Variants in ALG14 observed in about 807,000 individuals in gnomAD.
The protein encoded by ALG14 is UDP-N-acetylglucosamine transferase subunit ALG14.
ALG14 carries 17 observed loss-of-function variants against 22.8 expected under a neutral mutation model. That is an observed-to-expected ratio of 0.75 (90% CI 0.51 to 1.12). ALG14 has a LOEUF of 1.12. ALG14 is among the 50% of genes most tolerant of loss of function. ALG14 has a pLI of 0.00. For synonymous variants in ALG14, 89 were observed against 103.7 expected, an observed-to-expected ratio of 0.86 and a Z score of 0.86; for missense variants, 288 against 271.8, an observed-to-expected ratio of 1.06 and a Z score of -0.42.
At chr1:95,059,492 CT>C (rs1327767731) in intron 2 of ALG14, among the ~76,000 whole-genome samples, 5 of 144,574 alleles carry the variant, frequency 3.5e-5, no homozygotes, top group East Asian at 2.2e-4. Flanking sequence ...AAGTTATTTT[CT>C]TTTTTTCTTC....
chr1:95,017,026 T>C (rs1277314713), intron 3 of ALG14, among the ~76,000 whole-genome samples: 1 of 150,644 alleles, frequency 6.6e-6, no homozygotes, highest in Non-Finnish European at 1.5e-5. Context: ...TGACCAAATA[T>C]GTGGTCCCAA....
At chr1:95,034,314 G>A (rs1275885649) in intron 2 of ALG14, among the ~76,000 whole-genome samples, 1 of 152,186 alleles carries the variant, frequency 6.6e-6, no homozygotes, top group African/African-American at 2.4e-5. Flanking sequence ...ATATGTGATT[G>A]TATGTAGTCT....
intron 3 of ALG14, among the ~76,000 whole-genome samples, chr1:95,000,535 T>TAAAAAAAAAA (rs71588535): frequency 1.4e-5 from 1 of 70,618 alleles, no homozygotes; most frequent in African/African-American, 5.5e-5. Context: ...GACCCTGTCC[T>TAAAAAAAAAA]AAAAAAAAAA....
intron 3 of ALG14, among the ~76,000 whole-genome samples, chr1:95,008,277 G>A (rs1207416367): frequency 1.3e-5 from 2 of 152,168 alleles, no homozygotes; most frequent in African/African-American, 4.8e-5. Context: ...CAGGAACAGT[G>A]ATGAATGTGG....
chr1:95,058,691 C>CA (rs11422775), intron 2 of ALG14, among the ~76,000 whole-genome samples: 34,333 of 135,672 alleles, frequency 0.25, 4,668 homozygotes, highest in African/African-American at 0.39. Context: ...TAACCTTTCT[C>CA]AAAAAAAAAA....
At chr1:94,998,072 C>A (rs537224225) in intron 3 of ALG14, among the ~76,000 whole-genome samples, 6 of 152,160 alleles carry the variant, frequency 3.9e-5, no homozygotes, top group Non-Finnish European at 8.8e-5. Flanking sequence ...GTTCAGCTAA[C>A]AGGGAAAGTA....
intron 3 of ALG14, among the ~76,000 whole-genome samples, chr1:95,013,987 T>C (rs1343659591): frequency 6.6e-6 from 1 of 152,056 alleles, no homozygotes; most frequent in African/African-American, 2.4e-5. Context: ...ACTTGAATTA[T>C]GCAATTCCAT....
intron 2 of ALG14, among the ~76,000 whole-genome samples, chr1:95,044,338 A>C (rs1174521265): frequency 6.6e-6 from 1 of 152,158 alleles, no homozygotes; most frequent in African/African-American, 2.4e-5. Flanking sequence ...TCCTCCAAGC[A>C]AAACTTTCCA....
At position 95,027,004 on chromosome 1, in the gene ALG14, C is replaced by G. The variant is rs572220502; in HGVS notation, c.420+125G>C. Reference sequence around the variant, plus strand: ...TCCAAGATCAAGGCACCAGCCAGTTCAGGGTCTTGCATACTACCTGGCACA... The same window carrying G: ...TCCAAGATCAAGGCACCAGCCAGTTGAGGGTCTTGCATACTACCTGGCACA... On this transcript the variant is annotated intron_variant, in intron 3 of 3. Coordinates refer to ENST00000370205, the MANE Select transcript of ALG14 (RefSeq NM_144988.4). 3.3e-6 allele frequency: 4 copies of G among 1,223,424 alleles called. No homozygotes were observed. The Admixed American group carries it at 7.5e-5, about 23-fold the overall frequency. The allele number at this position is 1,223,424 out of a possible 1,614,324, so 75.8% of individuals were successfully genotyped here. A position where few individuals can be genotyped will look rare whatever the true frequency, so the allele number is the denominator to read the frequency against.
At chr1:95,056,602 G>A (rs879653732) in intron 2 of ALG14, among the ~76,000 whole-genome samples, 7 of 151,780 alleles carry the variant, frequency 4.6e-5, no homozygotes, top group African/African-American at 1.2e-4. Flanking sequence ...CTGTGATCAC[G>A]CCACTGCACT....
intron 3 of ALG14, among the ~76,000 whole-genome samples, chr1:95,004,703 G>A (rs186316155): frequency 4.0e-5 from 6 of 150,134 alleles, no homozygotes; most frequent in Admixed American, 4.0e-4. Flanking sequence ...GGGTTTCACC[G>A]CATTAGCCAG....
intron 3 of ALG14, among the ~76,000 whole-genome samples, chr1:95,025,622 T>C (rs1256278249): frequency 1.3e-5 from 2 of 152,238 alleles, no homozygotes; most frequent in Non-Finnish European, 2.9e-5. Flanking sequence ...TTATCTTAAC[T>C]AGATTTTCTG....
chr1:95,018,566 GA>G (rs1395987348), intron 3 of ALG14, among the ~76,000 whole-genome samples: 1 of 151,678 alleles, frequency 6.6e-6, no homozygotes, highest in Non-Finnish European at 1.5e-5. Flanking sequence ...AAAGAAAAAA[GA>G]AAAAAGGGAC....
chr1:95,009,866 A>G (rs1314547087), intron 3 of ALG14, among the ~76,000 whole-genome samples: 2 of 152,196 alleles, frequency 1.3e-5, no homozygotes, highest in African/African-American at 4.8e-5. Context: ...ATAATATGTT[A>G]ACATTAGTGG....
intron 3 of ALG14, among the ~76,000 whole-genome samples, chr1:95,003,274 C>T (rs1673115214): frequency 6.6e-6 from 1 of 152,132 alleles, no homozygotes; most frequent in Non-Finnish European, 1.5e-5. Flanking sequence ...GCTCACTGTC[C>T]TTCACCATCC....
intron 3 of ALG14, among the ~76,000 whole-genome samples, chr1:95,005,370 T>C (rs1673187574): frequency 6.8e-6 from 1 of 146,784 alleles, no homozygotes; most frequent in Non-Finnish European, 1.5e-5. Context: ...AGCAAGGTAA[T>C]GAAGGAGGCC....
rs550051384 is a variant in ALG14 at position 95,022,476 on chromosome 1, C to T, written c.420+4653G>A. 1.6e-5 allele frequency: 9 copies of T among 547,412 alleles called. No individual in the cohort carries two copies. The Admixed American group carries it at 2.5e-4, about 15-fold the overall frequency. 33.9% of individuals were successfully genotyped at this position (547,412 alleles called of 1,614,324 possible). On this transcript the variant is annotated intron_variant, in intron 3 of 3. Transcript: ENST00000370205. ...ACCATCATCAGACTTGCTAAATGCA[C>T]GTACAGTGCAGGGCCAGTCCTTCTG...
chr1:95,027,256 G>A lies in ALG14; in HGVS notation c.293C>T (p.Thr98Ile). Residue 98 changes from threonine to isoleucine, a missense_variant, in exon 3 of 4, where the codon ACC becomes ATC. Transcript: ENST00000370205. ...RADRDPSNMY[T>I]KYYIHRIPRS... ...TGGAATTCGGTGAATGTAGTATTTGGTATACTAGAAGGAAACAGATGGAAT... is the reference window on the plus strand; with the variant it reads ...TGGAATTCGGTGAATGTAGTATTTGATATACTAGAAGGAAACAGATGGAAT... 2 of 1,614,006 alleles carry A rather than the reference G, an allele frequency of 1.2e-6. No individual in the cohort carries two copies. Among genetic ancestry groups the A allele is most frequent in the South Asian group, 2.2e-5 (2 of 91,080 alleles).
chr1:95,029,041 A>G (rs1673913978), intron 2 of ALG14, among the ~76,000 whole-genome samples: 1 of 152,240 alleles, frequency 6.6e-6, no homozygotes, highest in Non-Finnish European at 1.5e-5. Context: ...TTACCAGCTT[A>G]AAACAATAAG....
Sources: allele counts gnomAD v4.1 joint callset (sites outside exome capture counted in the v4.1 genomes callset), GRCh38; gene constraint gnomAD v4.1.1; transcripts MANE v1.5; gene names NCBI Gene and HGNC (gene_info 2026-07-23, HGNC 2026-07-21).